Variants in HOXA3 observed in about 807,000 individuals in gnomAD.
HOXA3 encodes homeobox A3, also known as homeobox protein Hox-A3.
A neutral mutation model predicts 30.3 loss-of-function variants in HOXA3; 8 were observed. The observed-to-expected ratio is 0.26, with a 90% CI of 0.15 to 0.48. The LOEUF (loss-of-function observed/expected upper bound fraction) is 0.48. HOXA3 is among the 20% of genes least tolerant of loss of function. HOXA3 has a pLI of 0.99. For synonymous variants in HOXA3, 323 were observed against 273.1 expected, an observed-to-expected ratio of 1.18 and a Z score of -1.80; for missense variants, 653 against 614.4, an observed-to-expected ratio of 1.06 and a Z score of -0.66.
intron 2 of HOXA3, among the ~76,000 whole-genome samples, chr7:27,133,363 AAACT>A (rs1785619542): frequency 6.6e-6 from 1 of 152,242 alleles, no homozygotes; most frequent in African/African-American, 2.4e-5. Context: ...AGCCAGGAAG[AAACT>A]AACTCAATTA....
At chr7:27,116,736 G>T (rs986141868) in intron 4 of HOXA3, 2 of 152,156 alleles carry the variant, frequency 1.3e-5, no homozygotes. Context: ...TCAAAAATGC[G>T]CCAGAACTAG....
At chr7:27,150,109 C>CTT (rs1201667887) in intron 1 of HOXA3, 3 of 70,126 alleles carry the variant, frequency 4.3e-5, no homozygotes, top group Non-Finnish European at 9.1e-5. Flanking sequence ...ACATTGGAAT[C>CTT]TTTACATGTT....
Position 27,129,533 on chromosome 7 carries a change from G to T in HOXA3, c.-389-2463C>A, listed in dbSNP as rs750350573. Reference sequence around the variant, plus strand: ...ACCTGCTGCCGGGTGTAGGCGGTTCGAGAGCGCTTAGGCTCCCCTCCGTTA... The same window carrying T: ...ACCTGCTGCCGGGTGTAGGCGGTTCTAGAGCGCTTAGGCTCCCCTCCGTTA... On this transcript the variant is annotated intron_variant, in intron 2 of 5. Coordinates refer to ENST00000612286, the MANE Select transcript of HOXA3 (RefSeq NM_153631.3). 5 of 1,613,878 alleles carry T rather than the reference G, an allele frequency of 3.1e-6. No individual in the cohort carries two copies. The African/African-American group carries it at 6.7e-5, about 22-fold the overall frequency.
intron 1 of HOXA3, chr7:27,143,289 C>T: frequency 1.2e-6 from 2 of 1,603,338 alleles, no homozygotes; most frequent in South Asian, 2.2e-5. Context: ...GGCGAGGGGG[C>T]CACGGCGGAG....
At chr7:27,147,851 C>A in intron 1 of HOXA3, 19 of 1,036,634 alleles carry the variant, frequency 1.8e-5, no homozygotes, top group Admixed American at 2.8e-5. Context: ...GGCCGAACGC[C>A]AAAAGCGACA....
chr7:27,131,032 C>G (rs915054302), intron 2 of HOXA3, among the ~76,000 whole-genome samples: 3 of 152,132 alleles, frequency 2.0e-5, no homozygotes, highest in African/African-American at 7.2e-5. Flanking sequence ...ATGGATGCTG[C>G]TGTCCGGCCC....
Position 27,144,411 on chromosome 7 carries a change from C to A in HOXA3, c.-493-4225G>T, listed in dbSNP as rs543162389. Among the ~76,000 whole-genome samples, 6 of 152,298 alleles carry A rather than the reference C, an allele frequency of 3.9e-5. No individual in the cohort carries two copies. In the South Asian group the frequency reaches 1.2e-3, roughly 32 times the overall value. ...GCTTTTGTGTAGTGTTTCTCCAAGG[C>A]GAGGTCAAATTCCATACACTTTTAT... is the stretch of plus-strand genomic sequence containing the variant. On this transcript the variant is annotated intron_variant, in intron 1 of 5. Transcript: ENST00000612286.
chr7:27,113,895 C>T lies in HOXA3; in HGVS notation c.-120-3135G>A, dbSNP rs1784527123. ...ACCCCACCCACCCACCCCTCCCCCA[C>T]ACCCCCGCCCCCTGCCCTTCCCGAG... On this transcript the variant is annotated intron_variant, in intron 4 of 5. Coordinates refer to ENST00000612286, the MANE Select transcript of HOXA3 (RefSeq NM_153631.3). The surrounding 1 kb of genome is among the most constrained non-coding windows in gnomAD (Gnocchi z 4.8). The T allele has an allele frequency of 6.7e-6, 1 of 149,944 alleles. No individual in the cohort carries two copies. The highest frequency in any genetic ancestry group is 1.5e-5 in the Non-Finnish European group (1 of 66,874). 9.3% of individuals were successfully genotyped at this position (149,944 alleles called of 1,614,324 possible).
chr7:27,146,241 G>A (rs1254366594), intron 1 of HOXA3, among the ~76,000 whole-genome samples: 5 of 103,440 alleles, frequency 4.8e-5, no homozygotes, highest in East Asian at 2.7e-4. Context: ...TGCAGGGTGT[G>A]TGTGTGTGTT....
chr7:27,133,922 G>A (rs1458645724), intron 2 of HOXA3, among the ~76,000 whole-genome samples: 1 of 152,146 alleles, frequency 6.6e-6, no homozygotes, highest in African/African-American at 2.4e-5. Context: ...AGTTCACCTC[G>A]GCCTTGGACT....
At chr7:27,118,269 GAGA>G (rs946888360) in intron 4 of HOXA3, among the ~76,000 whole-genome samples, 78 of 152,334 alleles carry the variant, frequency 5.1e-4, no homozygotes, top group Middle Eastern at 3.4e-3. Context: ...GAAGGGGAAG[GAGA>G]AGGAGGAGGT....
chr7:27,119,157 C>G (rs79751998), intron 4 of HOXA3, among the ~76,000 whole-genome samples: 2 of 118,584 alleles, frequency 1.7e-5, no homozygotes, highest in South Asian at 3.0e-4. Context: ...ACCCCCCCCC[C>G]CAAAAAAAAT....
At chr7:27,130,075 A>C (rs1435947013) in intron 2 of HOXA3, 2 of 1,548,840 alleles carry the variant, frequency 1.3e-6, no homozygotes, top group Non-Finnish European at 1.7e-6. Context: ...ACCCAGGCCC[A>C]GCCCCGGCCC....
At chr7:27,118,753 C>A (rs1784862180) in intron 4 of HOXA3, among the ~76,000 whole-genome samples, 1 of 152,250 alleles carries the variant, frequency 6.6e-6, no homozygotes, top group South Asian at 2.1e-4. Flanking sequence ...TCTCCTCTGG[C>A]CCACAGGCCA....
intron 1 of HOXA3, chr7:27,141,035 C>T (rs1242225491): frequency 6.9e-6 from 1 of 144,184 alleles, no homozygotes; most frequent in Admixed American, 7.4e-5. Flanking sequence ...CACTATTTGG[C>T]ACAAACCAGA....
At chr7:27,148,077 A>G (rs1047240576) in intron 1 of HOXA3, among the ~76,000 whole-genome samples, 53 of 152,362 alleles carry the variant, frequency 3.5e-4, no homozygotes, top group African/African-American at 1.2e-3. Context: ...AGTGGCGAGC[A>G]GATCAGGCCA....
At chr7:27,121,958 C>T (rs1324212769) in intron 4 of HOXA3, 1 of 152,994 alleles carries the variant, frequency 6.5e-6, no homozygotes, top group Non-Finnish European at 1.5e-5. Context: ...ACGCTTTTCC[C>T]GTAGGAAGAA....
chr7:27,143,355 T>A (rs1194560348), intron 1 of HOXA3: 1 of 1,592,566 alleles, frequency 6.3e-7, no homozygotes, highest in Non-Finnish European at 8.5e-7. Flanking sequence ...TGGCTGTACC[T>A]GGGCTCGGCG....
chr7:27,146,995 G>A (rs1281778350), intron 1 of HOXA3, among the ~76,000 whole-genome samples: 1 of 152,128 alleles, frequency 6.6e-6, no homozygotes, highest in Non-Finnish European at 1.5e-5. Context: ...TGCATGGACA[G>A]GCTGTCCCTC....
Sources: gnomAD v4.1 joint callset for allele counts (sites outside exome capture counted in the v4.1 genomes callset) on GRCh38, gnomAD v4.1.1 for gene constraint, Gnocchi (gnomAD v3.1) non-coding constraint, MANE v1.5 for transcripts, NCBI Gene and HGNC (gene_info 2026-07-23, HGNC 2026-07-21) for gene names.